FAM53A: variants seen among roughly 807,000 people sequenced by gnomAD.
FAM53A encodes protein FAM53A.
Under a neutral mutation model 26.6 loss-of-function variants are expected in FAM53A, and 28 were observed. The observed-to-expected ratio is 1.05, with a 90% CI of 0.78 to 1.45. The LOEUF (loss-of-function observed/expected upper bound fraction) is 1.45. Among genes scored for constraint, FAM53A ranks in the 40% most tolerant of loss-of-function variants. The pLI is 0.00. For synonymous variants in FAM53A, 290 were observed against 253.1 expected (o/e 1.15, Z -1.38); for missense variants, 650 against 575.8 (o/e 1.13, Z -1.32).
intron 1 of FAM53A, chr4:1,683,590 A>G (rs751392183): frequency 6.6e-5 from 10 of 152,182 alleles, no homozygotes; most frequent in Non-Finnish European, 1.0e-4. Flanking sequence ...GATCATAGAA[A>G]CATCAAGTGT....
chr4:1,652,200 AC>A (rs1712886510), intron 4 of FAM53A, among the ~76,000 whole-genome samples: 1 of 134,154 alleles, frequency 7.5e-6, no homozygotes. Context: ...CGCCACACAC[AC>A]CACACATGCC....
chr4:1,637,438 G>T (rs1577096631), downstream of FAM53A, among the ~76,000 whole-genome samples: 1 of 152,122 alleles, frequency 6.6e-6, no homozygotes, highest in African/African-American at 2.4e-5. Context: ...GAGGGAGCCT[G>T]GGGGAGGATG....
At chr4:1,685,985 C>G (rs1030124590), upstream of FAM53A, among the ~76,000 whole-genome samples, 1 of 152,106 alleles carries the variant, frequency 6.6e-6, no homozygotes, top group Non-Finnish European at 1.5e-5. Context: ...TCTACCCACC[C>G]CTCTCAGCCA....
chr4:1,644,737 T>C (rs1340549206), intron 4 of FAM53A: 3 of 172,108 alleles, frequency 1.7e-5, no homozygotes, highest in Non-Finnish European at 3.7e-5. Context: ...TCAAACTGTG[T>C]GCGAAGCCCT....
At position 1,679,987 on chromosome 4, in the gene FAM53A, C is replaced by T. The variant is rs148152121; in HGVS notation, c.-165+4246G>A. 6.0e-4 allele frequency among the ~76,000 whole-genome samples: 89 copies of T among 148,964 alleles called. No individual in the cohort carries two copies. The East Asian group carries it at 9.8e-3, about 16-fold the overall frequency. Reference sequence around the variant, plus strand: ...GCAGTGAGCCAAGATCGCACCATTGCGCTCCAGCCTGAGCGACAGGGCAAG... The same window carrying T: ...GCAGTGAGCCAAGATCGCACCATTGTGCTCCAGCCTGAGCGACAGGGCAAG... On this transcript the variant is annotated intron_variant, in intron 1 of 4. Transcript: ENST00000308132.
At chr4:1,632,034 C>T (rs935240911) in intron 1 of FAM53A, among the ~76,000 whole-genome samples, 1 of 151,850 alleles carries the variant, frequency 6.6e-6, no homozygotes, top group Non-Finnish European at 1.5e-5. Flanking sequence ...TGTGGTGGCA[C>T]GTGCCTGTAA....
chr4:1,678,832 C>T (rs1013682437), intron 1 of FAM53A, among the ~76,000 whole-genome samples: 7 of 151,888 alleles, frequency 4.6e-5, no homozygotes, highest in African/African-American at 1.5e-4. Context: ...AAAAAAAAGA[C>T]ATGGAGTGTA....
intron 4 of FAM53A, among the ~76,000 whole-genome samples, chr4:1,648,592 T>C (rs1712451574): frequency 6.6e-6 from 1 of 152,106 alleles, no homozygotes; most frequent in Non-Finnish European, 1.5e-5. Flanking sequence ...ACAAACCTTT[T>C]TACCAGAAAG....
chr4:1,579,379 T>C, the FAM53A span, among the ~76,000 whole-genome samples: 2 of 150,948 alleles, frequency 1.3e-5, no homozygotes, highest in Non-Finnish European at 3.0e-5. Flanking sequence ...CACGGTCTAC[T>C]ACCCCATGGG....
At chr4:1,593,905 G>C in the FAM53A span, among the ~76,000 whole-genome samples, 19 of 152,170 alleles carry the variant, frequency 1.2e-4, no homozygotes, top group Admixed American at 5.9e-4. Context: ...GAACACAAAG[G>C]ACGGGGCAGG....
chr4:1,640,708 G>GGCAGCCGTGGCCCCGACCA lies in FAM53A; in HGVS notation c.*566_*584dup, dbSNP rs1711606237. The GGCAGCCGTGGCCCCGACCA allele has an allele frequency of 2.9e-6, 1 of 339,024 alleles. No homozygotes were observed. 21.0% of individuals were successfully genotyped at this position (339,024 alleles called of 1,614,324 possible). On this transcript the variant is annotated 3_prime_UTR_variant, in exon 5 of 5. Transcript: ENST00000308132. ...GTCTGTGCCCCAGGGCAGTGCAGGC[G>GGCAGCCGTGGCCCCGACCA]GCAGCCGTGGCCCCGACCAACTCAC...
chr4:1,635,588 T>G (rs1422636583), downstream of FAM53A, among the ~76,000 whole-genome samples: 8 of 152,140 alleles, frequency 5.3e-5, no homozygotes, highest in Non-Finnish European at 1.2e-4. Context: ...TTTTCACTCC[T>G]ATTTCTTCTA....
chr4:1,636,683 C>T (rs1234184984), downstream of FAM53A, among the ~76,000 whole-genome samples: 1 of 152,242 alleles, frequency 6.6e-6, no homozygotes, highest in Non-Finnish European at 1.5e-5. Flanking sequence ...CAAGAATTGG[C>T]CAATCCACCT....
intron 1 of FAM53A, among the ~76,000 whole-genome samples, chr4:1,628,023 T>C (rs1378431172): frequency 5.5e-4 from 5 of 9,066 alleles, no homozygotes; most frequent in Non-Finnish European, 8.3e-4. Context: ...TGCACCTGGG[T>C]GGGGAGGGTG....
the FAM53A span, among the ~76,000 whole-genome samples, chr4:1,610,125 T>C: frequency 2.1e-5 from 3 of 145,960 alleles, no homozygotes; most frequent in East Asian, 4.1e-4. Flanking sequence ...CTATAACCCC[T>C]CATCATGGAT....
intron 1 of FAM53A, among the ~76,000 whole-genome samples, chr4:1,622,265 G>A (rs1182304903): frequency 1.3e-5 from 2 of 152,204 alleles, no homozygotes; most frequent in Non-Finnish European, 2.9e-5. Flanking sequence ...CCAGCGTGAC[G>A]GTCAGAGTGC....
the FAM53A span, among the ~76,000 whole-genome samples, chr4:1,589,955 T>C: frequency 1.3e-5 from 2 of 152,226 alleles, no homozygotes; most frequent in Non-Finnish European, 1.5e-5. Flanking sequence ...TTAGTTCTTT[T>C]TCTAGCCTAT....
At chr4:1,650,046 C>T (rs867514797) in intron 4 of FAM53A, among the ~76,000 whole-genome samples, 29 of 43,864 alleles carry the variant, frequency 6.6e-4, no homozygotes, top group Middle Eastern at 0.019. Context: ...ACAGGCGTGG[C>T]GTTTGACTGT....
intron 1 of FAM53A, among the ~76,000 whole-genome samples, chr4:1,671,316 C>T (rs1478389102): frequency 6.0e-4 from 87 of 143,888 alleles, no homozygotes; most frequent in African/African-American, 2.1e-3. Context: ...GGACTCACCT[C>T]TGTCCCAGCG....
Sources: allele counts gnomAD v4.1 joint callset (sites outside exome capture counted in the v4.1 genomes callset), GRCh38; gene constraint gnomAD v4.1.1; transcripts MANE v1.5; gene names NCBI Gene and HGNC (gene_info 2026-07-23, HGNC 2026-07-21).